The following MYO5B variants were observed in gnomAD, a reference collection of about 807,000 sequenced individuals.
MYO5B encodes myosin VB, also known as unconventional myosin-Vb.
In MYO5B, 143 loss-of-function variants were observed where a neutral mutation model predicts 229.3. The ratio of observed to expected loss-of-function variants is 0.62; its 90% confidence interval spans 0.54 to 0.72. The LOEUF (loss-of-function observed/expected upper bound fraction) is 0.72, where lower values mean the gene tolerates loss of function less well. MYO5B is among the 30% of genes least tolerant of loss of function. MYO5B has a pLI of 0.00. For synonymous variants in MYO5B, 918 were observed against 885.2 expected (o/e 1.04, Z -0.66); for missense variants, 2,321 against 2,331.0 (o/e 1.00, Z 0.09).
intron 10 of MYO5B, among the ~76,000 whole-genome samples, chr18:49,967,290 C>T (rs1249999995): frequency 1.3e-5 from 2 of 152,196 alleles, no homozygotes; most frequent in East Asian, 1.9e-4. Context: ...AGGTAGTGTC[C>T]GTTGGAAAGT....
At chr18:50,179,796 A>G (rs994614425) in intron 1 of MYO5B, among the ~76,000 whole-genome samples, 3 of 152,162 alleles carry the variant, frequency 2.0e-5, no homozygotes, top group Non-Finnish European at 4.4e-5. Context: ...TGGTTCCCGA[A>G]AGAGCCTCAT....
intron 9 of MYO5B, among the ~76,000 whole-genome samples, chr18:49,978,694 T>TATACAC (rs2025780297): frequency 7.2e-6 from 1 of 139,140 alleles, no homozygotes; most frequent in East Asian, 2.2e-4. Context: ...CAGCAAGTAA[T>TATACAC]ACACACACAC....
At chr18:50,085,500 A>G (rs1175757676) in intron 1 of MYO5B, among the ~76,000 whole-genome samples, 1 of 152,018 alleles carries the variant, frequency 6.6e-6, no homozygotes, top group African/African-American at 2.4e-5. Flanking sequence ...TGTGGAAGTC[A>G]GTGTGGTGAT....
Position 50,076,488 on chromosome 18 carries a change from C to G in MYO5B, c.28-21110G>C, listed in dbSNP as rs558418384. ...CAGCCATGGCAGCCACCTGGTGAGG[C>G]CTCCCAAGCGCTTTTCAGAGCACGG... On this transcript the variant is annotated intron_variant, in intron 1 of 39. Coordinates refer to ENST00000285039, the MANE Select transcript of MYO5B (RefSeq NM_001080467.3). 8.8e-4 allele frequency among the ~76,000 whole-genome samples: 134 copies of G among 152,302 alleles called. 1 individual carries two copies. In the Middle Eastern group the frequency reaches 0.017, roughly 19 times the overall value.
At chr18:49,949,142 C>T (rs931875473) in intron 14 of MYO5B, among the ~76,000 whole-genome samples, 1 of 152,106 alleles carries the variant, frequency 6.6e-6, no homozygotes, top group Non-Finnish European at 1.5e-5. Context: ...GAAATACTGC[C>T]CAGTACACCC....
In MYO5B at chr18:49,893,646, C is replaced by T. The variant is rs1417450179; in HGVS notation, c.3045+1295G>A. Among the ~76,000 whole-genome samples, 4 of 152,208 alleles carry T rather than the reference C, an allele frequency of 2.6e-5. No individual in the cohort carries two copies. In the East Asian group the frequency reaches 7.7e-4, roughly 29 times the overall value. ...GTGGCCTTTTATGGGAAGCCTGCGT[C>T]TTACTTTCTTCTTCCCTTAATCTCC... On this transcript the variant is annotated intron_variant, in intron 22 of 39. Transcript: ENST00000285039.
At position 49,875,762 on chromosome 18, in the gene MYO5B, C is replaced by A; in HGVS notation, c.3462G>T (p.Arg1154=). The change falls in exon 26 of 40, where the codon CGG becomes CGT. Residue 1154 remains arginine, a synonymous_variant. Transcript: ENST00000285039. ...GCTTTTTCCTCTCCTGCTCCAGCTC[C>A]CGTACTCTCTTCTGCAGCTTCAGGA... ...TVFLKLQKRV[R]ELEQERKKLQ... 1 of 1,614,196 alleles carries A rather than the reference C, an allele frequency of 6.2e-7. No individual in the cohort carries two copies. The highest frequency in any genetic ancestry group is 8.5e-7 in the Non-Finnish European group (1 of 1,180,028).
chr18:49,879,700 T>C (rs2024565597), intron 23 of MYO5B, among the ~76,000 whole-genome samples: 1 of 152,132 alleles, frequency 6.6e-6, no homozygotes, highest in Non-Finnish European at 1.5e-5. Context: ...GAGAAGGGGA[T>C]TTGCTCAAAA....
chr18:50,138,912 C>A (rs2032376765), intron 1 of MYO5B, among the ~76,000 whole-genome samples: 2 of 152,196 alleles, frequency 1.3e-5, no homozygotes, highest in African/African-American at 4.8e-5. Flanking sequence ...TGCCACCATC[C>A]CCATGGCCCA....
intron 35 of MYO5B, among the ~76,000 whole-genome samples, chr18:49,840,724 A>G (rs966847639): frequency 6.6e-6 from 1 of 152,224 alleles, no homozygotes; most frequent in African/African-American, 2.4e-5. Context: ...AGTGCAGAGC[A>G]TGGGAGAAGT....
intron 1 of MYO5B, among the ~76,000 whole-genome samples, chr18:50,159,098 A>C (rs1015745480): frequency 1.3e-5 from 2 of 152,168 alleles, no homozygotes; most frequent in Admixed American, 1.3e-4. Flanking sequence ...CAGAGAAGTC[A>C]AACAGGTTTG....
chr18:49,914,973 T>C (rs1185634247), intron 17 of MYO5B, among the ~76,000 whole-genome samples: 1 of 152,008 alleles, frequency 6.6e-6, no homozygotes, highest in Non-Finnish European at 1.5e-5. Flanking sequence ...CCCAGCAGCC[T>C]GGGATGAGAA....
At chr18:49,988,343 GCGCTT>G in intron 7 of MYO5B, among the ~76,000 whole-genome samples, 1 of 152,148 alleles carries the variant, frequency 6.6e-6, no homozygotes, top group Non-Finnish European at 1.5e-5. Context: ...CAGAGCACAA[GCGCTT>G]GTCAAAGGCT....
chr18:49,941,861 C>G (rs918947498), intron 14 of MYO5B, among the ~76,000 whole-genome samples: 23 of 144,666 alleles, frequency 1.6e-4, no homozygotes, highest in African/African-American at 5.8e-4. Context: ...AAAGAGCCCG[C>G]ATTGCCAAGT....
intron 30 of MYO5B, among the ~76,000 whole-genome samples, chr18:49,855,963 C>T (rs1421781494): frequency 6.6e-6 from 1 of 152,324 alleles, no homozygotes; most frequent in Non-Finnish European, 1.5e-5. Context: ...AAAGCAAGCT[C>T]GATGACTACC....
At chr18:50,040,505 CT>C (rs1598973066) in intron 2 of MYO5B, among the ~76,000 whole-genome samples, 191 bp from the exon 3 acceptor site, 1 of 152,170 alleles carries the variant, frequency 6.6e-6, no homozygotes, top group East Asian at 1.9e-4. Context: ...GGAAAATTTG[CT>C]GATAACATAA....
intron 36 of MYO5B, 31 bp from the exon 37 acceptor site, chr18:49,837,833 C>T (rs1369302522): frequency 6.2e-7 from 1 of 1,612,390 alleles, no homozygotes; most frequent in Admixed American, 1.7e-5. Context: ...GAGAAGCTTG[C>T]ATTCCCCACT....
At chr18:49,856,995 A>G in intron 29 of MYO5B, 105 bp from the exon 30 acceptor site, 1 of 938,020 alleles carries the variant, frequency 1.1e-6, no homozygotes, top group Non-Finnish European at 1.7e-6. Context: ...TTTGGAAACG[A>G]AAAAAAGGCA....
In MYO5B at chr18:49,823,941, A is replaced by G. The variant is rs1026895676; in HGVS notation, c.*2530T>C. On this transcript the variant is annotated 3_prime_UTR_variant, in exon 40 of 40. Transcript: ENST00000285039. ...ACTCCCCCATGATATCACCTTGAAC[A>G]TTAAAATTATTCCCACAGCAACACT... is the stretch of plus-strand genomic sequence containing the variant. 3 of 152,684 alleles carry G rather than the reference A, an allele frequency of 2.0e-5. No individual in the cohort carries two copies. The highest frequency in any genetic ancestry group is 4.4e-5 in the Non-Finnish European group (3 of 68,044). 9.5% of individuals were successfully genotyped at this position (152,684 alleles called of 1,614,324 possible). A position where few individuals can be genotyped will look rare whatever the true frequency, so the allele number is the denominator to read the frequency against.
Sources: allele counts gnomAD v4.1 joint callset (sites outside exome capture counted in the v4.1 genomes callset), GRCh38; gene constraint gnomAD v4.1.1; transcripts MANE v1.5; gene names NCBI Gene and HGNC (gene_info 2026-07-23, HGNC 2026-07-21).